ACVR1B: variants seen among roughly 807,000 people sequenced by gnomAD.
ACVR1B encodes activin A receptor type 1B, also known as activin receptor type-1B.
A neutral mutation model predicts 55.6 loss-of-function variants in ACVR1B; 15 were observed. That is an observed-to-expected ratio of 0.27 (90% CI 0.18 to 0.42). The LOEUF is 0.42. Among genes scored for constraint, ACVR1B ranks in the 10% least tolerant of loss-of-function variants. ACVR1B has a pLI of 1.00. For missense variants in ACVR1B, 359 were observed against 670.1 expected (o/e 0.54, Z 5.13); for synonymous variants, 247 against 254.6 (o/e 0.97, Z 0.28).
intron 4 of ACVR1B, among the ~76,000 whole-genome samples, chr12:51,983,541 T>A (rs1194324281): frequency 6.6e-6 from 1 of 152,196 alleles, no homozygotes; most frequent in Non-Finnish European, 1.5e-5. Context: ...AGAGGGTCGC[T>A]GGGACACAGG....
intron 2 of ACVR1B, 37 bp from the exon 3 acceptor site, chr12:51,976,290 T>C (rs1272871927): frequency 6.2e-7 from 1 of 1,611,748 alleles, no homozygotes; most frequent in African/African-American, 1.3e-5. Flanking sequence ...TTGTTTTTAC[T>C]TCTCATTCTT....
chr12:51,968,891 A>C (rs1941691859), intron 1 of ACVR1B, among the ~76,000 whole-genome samples: 2 of 152,254 alleles, frequency 1.3e-5, no homozygotes, highest in Non-Finnish European at 2.9e-5. Flanking sequence ...AGGGTTGCCC[A>C]GTCAGATATA....
At chr12:51,968,177 G>A (rs1179337079) in intron 1 of ACVR1B, among the ~76,000 whole-genome samples, 3 of 152,206 alleles carry the variant, frequency 2.0e-5, no homozygotes, top group African/African-American at 7.2e-5. Flanking sequence ...AGGTTGCAGT[G>A]AGCTGAGATT....
intron 2 of ACVR1B, 61 bp downstream of exon 2, chr12:51,975,565 C>T: frequency 6.4e-7 from 1 of 1,569,652 alleles, no homozygotes; most frequent in Non-Finnish European, 8.7e-7. Flanking sequence ...CCCGTCATTT[C>T]ATTTTTTTCT....
At chr12:51,991,037 T>C (rs1032832783) in intron 7 of ACVR1B, among the ~76,000 whole-genome samples, 4 of 152,208 alleles carry the variant, frequency 2.6e-5, no homozygotes, top group East Asian at 1.9e-4. Context: ...CGTGGTGATA[T>C]TGTCCAAAAC....
In ACVR1B at chr12:51,985,175, GT is replaced by G. The variant is rs1308034260; in HGVS notation, c.980-10del. 4.4e-6 allele frequency: 7 copies of G among 1,600,686 alleles called. No individual in the cohort carries two copies. The highest frequency in any genetic ancestry group is 1.7e-5 in the Admixed American group (1 of 58,102). ...ATATCATCTCTTTGTAAAGATCCCT[GT>G]TTTTTTCTCTGCCAGGGAAGCCTGG... is the stretch of plus-strand genomic sequence containing the variant. On this transcript the variant is annotated splice_polypyrimidine_tract_variant and intron_variant, in intron 5 of 8. Transcript: ENST00000257963.
At chr12:51,977,607 CTT>C (rs71443237) in intron 3 of ACVR1B, among the ~76,000 whole-genome samples, 20 of 122,972 alleles carry the variant, frequency 1.6e-4, no homozygotes, top group East Asian at 4.7e-4. Context: ...TATTGCATTC[CTT>C]TTTTTTTTTT....
rs1248873438 is a variant in ACVR1B at position 51,960,789 on chromosome 12, C to T, written c.91+8955C>T. ...CTGCCTTCAATCTCCCATTTGTTTT[C>T]CATCCTACGGCTAGATCTAACTTTG... On this transcript the variant is annotated intron_variant, in intron 1 of 8. Coordinates refer to ENST00000257963, the MANE Select transcript of ACVR1B (RefSeq NM_004302.5). Among the ~76,000 whole-genome samples the T allele has an allele frequency of 2.6e-5, 4 of 152,312 alleles. No individual in the cohort carries two copies. The East Asian group carries it at 7.7e-4, about 29-fold the overall frequency.
intron 1 of ACVR1B, 68 bp downstream of exon 1, chr12:51,951,902 CG>C: frequency 9.7e-7 from 1 of 1,030,336 alleles, no homozygotes; most frequent in Non-Finnish European, 1.2e-6. Flanking sequence ...CCTCGAGCCG[CG>C]GCCGCTGGAC....
At chr12:51,956,563 C>G (rs974406383) in intron 1 of ACVR1B, among the ~76,000 whole-genome samples, 2 of 152,032 alleles carry the variant, frequency 1.3e-5, no homozygotes, top group African/African-American at 4.8e-5. Context: ...CACTTCACCT[C>G]TCTATCAGCT....
chr12:51,992,211 G>A, intron 8 of ACVR1B: 1 of 610,034 alleles, frequency 1.6e-6, no homozygotes, highest in Non-Finnish European at 2.8e-6. Context: ...CCTAGAAGAA[G>A]AAAAGGCTTT....
rs192908917 is a variant in ACVR1B at position 51,962,026 on chromosome 12, C to G, written c.91+10192C>G. Among the ~76,000 whole-genome samples the G allele has an allele frequency of 7.2e-5, 11 of 152,352 alleles. No individual in the cohort carries two copies. In the East Asian group the frequency reaches 1.7e-3, roughly 24 times the overall value. On this transcript the variant is annotated intron_variant, in intron 1 of 8. Transcript: ENST00000257963. ...TGACAGGTCTCCTTAGCATAAACAT[C>G]AAACGTCTCTTCTGAGTGAGAACAA...
intron 1 of ACVR1B, among the ~76,000 whole-genome samples, chr12:51,968,381 G>C (rs1941681531): frequency 6.6e-6 from 1 of 152,258 alleles, no homozygotes; most frequent in African/African-American, 2.4e-5. Flanking sequence ...TAGTTGGCTT[G>C]TAATAAATGT....
At chr12:51,993,002 C>T (rs1412548840) in intron 8 of ACVR1B, among the ~76,000 whole-genome samples, 1 of 152,186 alleles carries the variant, frequency 6.6e-6, no homozygotes, top group Admixed American at 6.6e-5. Context: ...TTTCCCAACT[C>T]TATCGAGGTG....
Position 51,976,308 on chromosome 12 carries a change from C to G in ACVR1B, c.332-19C>G, listed in dbSNP as rs767361697. 4 of 1,613,508 alleles carry G rather than the reference C, an allele frequency of 2.5e-6. No individual in the cohort carries two copies. In the East Asian group the frequency reaches 6.7e-5, roughly 27 times the overall value. On this transcript the variant is annotated intron_variant, in intron 2 of 8. Transcript: ENST00000257963. ...TTTTTACTTCTCATTCTTTCCCTCTCCTCTCTCACTTGACTCAGGTCACCT... is the reference window on the plus strand; with the variant it reads ...TTTTTACTTCTCATTCTTTCCCTCTGCTCTCTCACTTGACTCAGGTCACCT...
At chr12:51,976,087 G>A (rs1011545520) in intron 2 of ACVR1B, among the ~76,000 whole-genome samples, 5 of 152,146 alleles carry the variant, frequency 3.3e-5, no homozygotes, top group African/African-American at 7.2e-5. Context: ...CACGAAATGC[G>A]TGAGGTGACA....
In ACVR1B at chr12:51,962,094, A is replaced by G. The variant is rs558071699; in HGVS notation, c.91+10260A>G. On this transcript the variant is annotated intron_variant, in intron 1 of 8. Transcript: ENST00000257963. ...TGAGACTTAAGGTTGAACTTGTTTAAACAGCTCTCTAGGGCTGGGTTTGTC... is the reference window on the plus strand; with the variant it reads ...TGAGACTTAAGGTTGAACTTGTTTAGACAGCTCTCTAGGGCTGGGTTTGTC... Among the ~76,000 whole-genome samples, 3 of 152,356 alleles carry G rather than the reference A, an allele frequency of 2.0e-5. No individual in the cohort carries two copies. The South Asian group carries it at 6.2e-4, about 32-fold the overall frequency.
Position 51,996,198 on chromosome 12 carries a change from CA to C in ACVR1B, c.*2091del, listed in dbSNP as rs1245300224. The C allele has an allele frequency of 6.6e-6, 1 of 152,318 alleles. No individual in the cohort carries two copies. The highest frequency in any genetic ancestry group is 1.5e-5 in the Non-Finnish European group (1 of 68,056). 9.4% of individuals were successfully genotyped at this position (152,318 alleles called of 1,614,324 possible). A position where few individuals can be genotyped will look rare whatever the true frequency, so the allele number is the denominator to read the frequency against. On this transcript the variant is annotated 3_prime_UTR_variant, in exon 9 of 9. Coordinates refer to ENST00000257963, the MANE Select transcript of ACVR1B (RefSeq NM_004302.5). ...GGGTTTAGAACCCCAGGTGAGACCT[CA>C]AATCACTGCATTCATTCTGAGCCCC...
rs1313289818 is a variant in ACVR1B, at chr12:51,991,897, C to T, written c.1296C>T (p.Asp432=). The T allele has an allele frequency of 6.8e-6, 11 of 1,614,006 alleles. No individual in the cohort carries two copies. In the South Asian group the frequency reaches 1.1e-4, roughly 16 times the overall value. The change falls in exon 8 of 9, where the codon GAC becomes GAT. Residue 432 remains aspartate, a synonymous_variant. Coordinates refer to ENST00000257963, the MANE Select transcript of ACVR1B (RefSeq NM_004302.5). ...AAGAATATCAGCTGCCATATTACGA[C>T]TTAGTGCCCTCTGACCCTTCCATTG... ...VHEEYQLPYY[D]LVPSDPSIEE...
Sources: allele counts gnomAD v4.1 joint callset (sites outside exome capture counted in the v4.1 genomes callset), GRCh38; gene constraint gnomAD v4.1.1; transcripts MANE v1.5; gene names NCBI Gene and HGNC (gene_info 2026-07-23, HGNC 2026-07-21).